The following ZCWPW2 variants were observed in gnomAD, a reference collection of about 807,000 sequenced individuals.
ZCWPW2 encodes the protein zinc finger CW-type PWWP domain protein 2.
ZCWPW2 carries 45 observed loss-of-function variants against 46.6 expected under a neutral mutation model. That is an observed-to-expected ratio of 0.96 (90% CI 0.76 to 1.24). ZCWPW2 has a LOEUF of 1.24. Among genes scored for constraint, ZCWPW2 ranks in the 50% most tolerant of loss-of-function variants. The probability of loss-of-function intolerance (pLI) is 0.00; values close to 1 mark genes in which losing one functional copy is unlikely to be tolerated. For missense variants in ZCWPW2, 429 were observed against 403.9 expected (o/e 1.06, Z -0.53); for synonymous variants, 152 against 137.1 (o/e 1.11, Z -0.76).
intron 6 of ZCWPW2, among the ~76,000 whole-genome samples, chr3:28,501,503 A>C (rs1285045407): frequency 6.6e-6 from 1 of 152,098 alleles, no homozygotes; most frequent in Non-Finnish European, 1.5e-5. Context: ...ACCTCCTATA[A>C]ATTTTATTTA....
chr3:28,430,459 A>G (rs576381000), intron 3 of ZCWPW2, among the ~76,000 whole-genome samples: 1 of 152,364 alleles, frequency 6.6e-6, no homozygotes, highest in Admixed American at 6.5e-5. Context: ...GCTTATAGAC[A>G]GAAGGGACTT....
intron 2 of ZCWPW2, among the ~76,000 whole-genome samples, chr3:28,395,501 A>G (rs1165775941): frequency 6.6e-6 from 1 of 152,218 alleles, no homozygotes; most frequent in African/African-American, 2.4e-5. Context: ...AGAAGTGGAA[A>G]CAAACTAATG....
chr3:28,369,086 T>C (rs947304070), intron 1 of ZCWPW2, among the ~76,000 whole-genome samples: 3 of 152,164 alleles, frequency 2.0e-5, no homozygotes, highest in African/African-American at 7.2e-5. Context: ...GTTTCTAACT[T>C]CTTTGTGATG....
chr3:28,432,030 A>G (rs767007700), intron 3 of ZCWPW2, among the ~76,000 whole-genome samples: 1 of 152,100 alleles, frequency 6.6e-6, no homozygotes, highest in Non-Finnish European at 1.5e-5. Flanking sequence ...ACTCACTATC[A>G]CAAGAACAGC....
chr3:28,525,704 A>G lies in ZCWPW2; in HGVS notation c.*1016A>G, dbSNP rs1262097119. Among the ~76,000 whole-genome samples, 1 of 152,204 alleles carries G rather than the reference A, an allele frequency of 6.6e-6. No individual in the cohort carries two copies. The highest frequency in any genetic ancestry group is 2.4e-5 in the African/African-American group (1 of 41,456). On this transcript the variant is annotated 3_prime_UTR_variant, in exon 10 of 10. Transcript: ENST00000383768. ...ACACCAAACAACCAACGTGTCACTC[A>G]TTGAGTGGGTTGCTTCTTTTAAGTA... is the stretch of plus-strand genomic sequence containing the variant.
chr3:28,511,134 G>GT, intron 6 of ZCWPW2: 1 of 444,694 alleles, frequency 2.2e-6, no homozygotes. Flanking sequence ...AGAGGTAAAT[G>GT]TATGACAATC....
Position 28,384,610 on chromosome 3 carries a change from C to CTTTT in ZCWPW2, c.-133-5885_-133-5884insTTTT, listed in dbSNP as rs201820223. On this transcript the variant is annotated intron_variant, in intron 1 of 9. Transcript: ENST00000383768. ...GACACATTCAAGTTGACCAATCTTT[C>CTTTT]TTTCTTTTTTTTTTTTTTTTGAGAC... 3.5e-4 allele frequency among the ~76,000 whole-genome samples: 50 copies of CTTTT among 143,534 alleles called. 4 individuals are homozygous for CTTTT. Among genetic ancestry groups the CTTTT allele is most frequent in the African/African-American group, 3.1e-4 (12 of 39,236 alleles). 94.2% of individuals were successfully genotyped at this position (143,534 alleles called of 152,430 possible).
intron 4 of ZCWPW2, among the ~76,000 whole-genome samples, chr3:28,444,127 T>G (rs997934978): frequency 6.6e-6 from 1 of 152,204 alleles, no homozygotes; most frequent in African/African-American, 2.4e-5. Flanking sequence ...AATTCTGTCT[T>G]CCTTCCGCCA....
chr3:28,468,385 G>A (rs1698907554), intron 4 of ZCWPW2, among the ~76,000 whole-genome samples: 1 of 152,060 alleles, frequency 6.6e-6, no homozygotes, highest in Non-Finnish European at 1.5e-5. Context: ...AGAGATAGTG[G>A]TAGAAAATTT....
At chr3:28,352,395 TC>T (rs2125685013) in intron 1 of ZCWPW2, among the ~76,000 whole-genome samples, 1 of 152,184 alleles carries the variant, frequency 6.6e-6, no homozygotes, top group Non-Finnish European at 1.5e-5. Context: ...CTAAGATTGA[TC>T]TTCCTCAGAG....
At chr3:28,430,799 C>T (rs1249647971) in intron 3 of ZCWPW2, among the ~76,000 whole-genome samples, 1 of 152,146 alleles carries the variant, frequency 6.6e-6, no homozygotes, top group Non-Finnish European at 1.5e-5. Context: ...CCCCTTCACT[C>T]AGCACTTCTT....
At chr3:28,406,555 A>T (rs1229780833) in intron 2 of ZCWPW2, among the ~76,000 whole-genome samples, 1 of 151,782 alleles carries the variant, frequency 6.6e-6, no homozygotes, top group African/African-American at 2.4e-5. Context: ...GTGGTTGCTG[A>T]GATGTTTAAA....
At chr3:28,394,220 G>T (rs1030757108) in intron 2 of ZCWPW2, among the ~76,000 whole-genome samples, 1 of 152,042 alleles carries the variant, frequency 6.6e-6, no homozygotes, top group African/African-American at 2.4e-5. Flanking sequence ...TAACCATGGA[G>T]ATGAGAGATC....
At chr3:28,427,275 T>C in intron 3 of ZCWPW2, among the ~76,000 whole-genome samples, 1 of 152,240 alleles carries the variant, frequency 6.6e-6, no homozygotes, top group East Asian at 1.9e-4. Flanking sequence ...GTGTCTGAAC[T>C]CAGAATGAGG....
At chr3:28,405,665 G>A (rs141038779) in intron 2 of ZCWPW2, among the ~76,000 whole-genome samples, 2,559 of 152,062 alleles carry the variant, frequency 0.017, 33 homozygotes, top group Middle Eastern at 0.027. Context: ...TAGTAGAGAC[G>A]GCGTTTCACT....
At position 28,381,052 on chromosome 3, in the gene ZCWPW2, A is replaced by AG. The variant is rs1249250666; in HGVS notation, c.-133-9446_-133-9445insG. On this transcript the variant is annotated intron_variant, in intron 1 of 9. Coordinates refer to ENST00000383768, the MANE Select transcript of ZCWPW2 (RefSeq NM_001040432.4). ...ATATATATATATATATATTTGGTGT[A>AG]TATATATATATATATATATATATAT... 8.6e-3 allele frequency among the ~76,000 whole-genome samples: 338 copies of AG among 39,270 alleles called. 94 individuals are homozygous for AG. Among genetic ancestry groups the AG allele is most frequent in the Middle Eastern group, 0.027 (3 of 112 alleles). 25.8% of individuals were successfully genotyped at this position (39,270 alleles called of 152,430 possible).
intron 2 of ZCWPW2, among the ~76,000 whole-genome samples, chr3:28,411,585 C>G (rs1224147085): frequency 6.6e-6 from 1 of 152,022 alleles, no homozygotes; most frequent in Non-Finnish European, 1.5e-5. Context: ...TACACACACA[C>G]ACTTCATGTG....
At position 28,377,925 on chromosome 3, in the gene ZCWPW2, A is replaced by G. The variant is rs753758739; in HGVS notation, c.-133-12573A>G. On this transcript the variant is annotated intron_variant, in intron 1 of 9. Coordinates refer to ENST00000383768, the MANE Select transcript of ZCWPW2 (RefSeq NM_001040432.4). Reference sequence around the variant, plus strand: ...TTCCCTTGAAAATATTTAGCACAGCAGAATATAGTTGCCGCAAAAGACACC... The same window carrying G: ...TTCCCTTGAAAATATTTAGCACAGCGGAATATAGTTGCCGCAAAAGACACC... Among the ~76,000 whole-genome samples the G allele has an allele frequency of 6.6e-5, 10 of 152,212 alleles. No individual in the cohort carries two copies. The South Asian group carries it at 1.2e-3, about 19-fold the overall frequency.
chr3:28,469,710 G>GTGTATATATATATGATATATATA lies in ZCWPW2; in HGVS notation c.493-9089_493-9067dup, dbSNP rs1036086771. Reference sequence around the variant, plus strand: ...TGTATATATATATGCATGTATATGTGTGTATATATATATGATATATATATG... The same window carrying GTGTATATATATATGATATATATA: ...TGTATATATATATGCATGTATATGTGTGTATATATATATGATATATATATGTATATATATATGATATATATATG... On this transcript the variant is annotated intron_variant, in intron 4 of 9. Coordinates refer to ENST00000383768, the MANE Select transcript of ZCWPW2 (RefSeq NM_001040432.4). 8.7e-4 allele frequency among the ~76,000 whole-genome samples: 131 copies of GTGTATATATATATGATATATATA among 151,278 alleles called. 2 individuals carry two copies. The highest frequency in any genetic ancestry group is 9.9e-4 in the Admixed American group (15 of 15,132).
Sources: gnomAD v4.1 joint callset for allele counts (sites outside exome capture counted in the v4.1 genomes callset) on GRCh38, gnomAD v4.1.1 for gene constraint, MANE v1.5 for transcripts, NCBI Gene and HGNC (gene_info 2026-07-23, HGNC 2026-07-21) for gene names.